The following PLCXD1 variants were observed in gnomAD, a reference collection of about 807,000 sequenced individuals.
PLCXD1 encodes the protein PI-PLC X domain-containing protein 1.
PLCXD1 carries 45 observed loss-of-function variants against 37.8 expected under a neutral mutation model. The observed-to-expected ratio is 1.19, with a 90% confidence interval of 0.94 to 1.53. The LOEUF (loss-of-function observed/expected upper bound fraction) is 1.53. Ranked by LOEUF, PLCXD1 falls within the 40% of genes most tolerant of loss-of-function variation. The pLI, the probability that PLCXD1 is intolerant of heterozygous loss-of-function variation, is 0.00. For synonymous variants in PLCXD1, 246 were observed against 206.9 expected (o/e 1.19, Z -1.62); for missense variants, 539 against 454.7 (o/e 1.19, Z -1.69).
At chrX:282,950 T>G (rs2069318466) in intron 1 of PLCXD1, among the ~76,000 whole-genome samples, 1 of 103,720 alleles carries the variant, frequency 9.6e-6, no homozygotes, top group Admixed American at 9.6e-5. Context: ...ATATATTATA[T>G]ATATATTATA....
intron 2 of PLCXD1, among the ~76,000 whole-genome samples, chrX:287,968 C>G (rs1287532169): frequency 6.6e-6 from 1 of 152,054 alleles, no homozygotes; most frequent in Non-Finnish European, 1.5e-5. Flanking sequence ...ATGGGCAGGA[C>G]CACACGTCCT....
At chrX:290,872 CAGCGGGAGGCGGCCGGGCACT>C in intron 4 of PLCXD1, 96 bp downstream of exon 4, 18 of 466,368 alleles carry the variant, frequency 3.9e-5, no homozygotes, top group African/African-American at 3.4e-5. Context: ...GCAAGGGGGA[CAGCGGGAGGCGGCCGGGCACT>C]GGTGCAGGTG....
chrX:295,267 G>A (rs1341532528), intron 6 of PLCXD1, among the ~76,000 whole-genome samples: 1 of 152,082 alleles, frequency 6.6e-6, no homozygotes, highest in African/African-American at 2.4e-5. Flanking sequence ...AGCGTCGGCA[G>A]CCACGGCCCC....
chrX:279,598 C>T (rs150492258), upstream of PLCXD1, among the ~76,000 whole-genome samples: 443 of 152,070 alleles, frequency 2.9e-3, 5 homozygotes, highest in African/African-American at 9.9e-3. Context: ...ATGGTGAGAC[C>T]CCCGTTGCTA....
chrX:293,358 C>T lies in PLCXD1; in HGVS notation c.733+140C>T, dbSNP rs1602892549. On this transcript the variant is annotated intron_variant, in intron 6 of 6. Transcript: ENST00000381657. The stretch of plus-strand genomic sequence containing the variant: ...ATCCATGAGCTGGGCGTGGTAATCC[C>T]TGTACCTGTAATCCCAGCACTTCGG... 4.4e-6 allele frequency: 3 copies of T among 675,774 alleles called. No homozygotes were observed. The African/African-American group carries it at 5.4e-5, about 12-fold the overall frequency. The allele number at this position is 675,774 out of a possible 1,614,324, so 41.9% of individuals were successfully genotyped here.
In PLCXD1 at chrX:302,095, G is replaced by A. The variant is rs187089714; in HGVS notation, c.*2760G>A. 2 of 152,462 alleles carry A rather than the reference G, an allele frequency of 1.3e-5. No individual in the cohort carries two copies. The highest frequency in any genetic ancestry group is 6.5e-5 in the Admixed American group (1 of 15,300). The allele number at this position is 152,462 out of a possible 1,614,324, so 9.4% of individuals were successfully genotyped here. A position where few individuals can be genotyped will look rare whatever the true frequency, so the allele number is the denominator to read the frequency against. On this transcript the variant is annotated 3_prime_UTR_variant, in exon 7 of 7. Coordinates refer to ENST00000381657, the MANE Select transcript of PLCXD1 (RefSeq NM_018390.4). ...AAGCCCCTTGAAGGCTGTGGCCTGG[G>A]CTGTTCCCTCATTCATTCCTGCCTC... is the stretch of plus-strand genomic sequence containing the variant.
At chrX:283,649 T>G (rs2069351080) in intron 1 of PLCXD1, 1 of 85,948 alleles carries the variant, frequency 1.2e-5, no homozygotes, top group Non-Finnish European at 2.5e-5. Flanking sequence ...GGGGCGGCCT[T>G]GGTGTCAGGC....
chrX:293,857 C>CG (rs908892528), intron 6 of PLCXD1, among the ~76,000 whole-genome samples: 2 of 152,108 alleles, frequency 1.3e-5, no homozygotes, highest in African/African-American at 4.8e-5. Context: ...TTGTGGTTGC[C>CG]GGGGGCTGCG....
intron 6 of PLCXD1, among the ~76,000 whole-genome samples, chrX:295,425 G>C (rs1189956745): frequency 2.0e-5 from 3 of 152,062 alleles, no homozygotes; most frequent in Non-Finnish European, 2.9e-5. Flanking sequence ...CTTCCCACAG[G>C]GGCAGCATGA....
In PLCXD1 at chrX:282,170, C is replaced by T. The variant is rs181798813; in HGVS notation, c.-22+486C>T. 3.4e-4 allele frequency among the ~76,000 whole-genome samples: 51 copies of T among 152,146 alleles called. No individual in the cohort carries two copies. In the East Asian group the frequency reaches 9.7e-3, roughly 29 times the overall value. On this transcript the variant is annotated intron_variant, in intron 1 of 6. Coordinates refer to ENST00000381657, the MANE Select transcript of PLCXD1 (RefSeq NM_018390.4). ...ACAATTCTAATTGATTTGATTAAAT[C>T]AATTAGATCTAATGATTTTAATCTA...
rs773882404 is a variant in PLCXD1 at position 290,499 on chromosome X, G to A, written c.265-149G>A. The A allele has an allele frequency of 7.5e-5, 55 of 731,376 alleles. 1 individual carries two copies. Among genetic ancestry groups the A allele is most frequent in the African/African-American group, 5.9e-4 (33 of 56,072 alleles). 45.3% of individuals were successfully genotyped at this position (731,376 alleles called of 1,614,324 possible). On this transcript the variant is annotated intron_variant, in intron 3 of 6. Coordinates refer to ENST00000381657, the MANE Select transcript of PLCXD1 (RefSeq NM_018390.4). Reference sequence around the variant, plus strand: ...AAATGCAGGTCCCCGTGGCTGCAGCGCTCCCAGCACATACAAACAGCTGTT... The same window carrying A: ...AAATGCAGGTCCCCGTGGCTGCAGCACTCCCAGCACATACAAACAGCTGTT...
intron 2 of PLCXD1, among the ~76,000 whole-genome samples, chrX:287,126 G>A (rs1386690676): frequency 2.0e-5 from 3 of 151,666 alleles, no homozygotes; most frequent in Non-Finnish European, 4.4e-5. Flanking sequence ...GAGTTTGAGA[G>A]CAGCCTGGGC....
intron 3 of PLCXD1, among the ~76,000 whole-genome samples, chrX:290,065 C>T (rs2069578743): frequency 6.6e-6 from 1 of 152,034 alleles, no homozygotes; most frequent in Non-Finnish European, 1.5e-5. Flanking sequence ...TCAAAGGATC[C>T]TCCTTCCTCA....
intron 5 of PLCXD1, 88 bp from the exon 6 acceptor site, chrX:292,947 C>T (rs1036658557): frequency 2.5e-5 from 22 of 865,084 alleles, no homozygotes; most frequent in African/African-American, 8.4e-5. Flanking sequence ...CGTGTTGGGC[C>T]GGTGTCCCGA....
Position 302,358 on chromosome X carries a change from G to C in PLCXD1, c.*3023G>C, listed in dbSNP as rs371333995. ...AGGTTTCTTTCTGCCTCTGAAGCGTGAACGGTCCTAGTTTCAGACGCAGAT... is the reference window on the plus strand; with the variant it reads ...AGGTTTCTTTCTGCCTCTGAAGCGTCAACGGTCCTAGTTTCAGACGCAGAT... On this transcript the variant is annotated 3_prime_UTR_variant, in exon 7 of 7. Transcript: ENST00000381657. 4 of 152,074 alleles carry C rather than the reference G, an allele frequency of 2.6e-5. No individual in the cohort carries two copies. The highest frequency in any genetic ancestry group is 1.9e-4 in the East Asian group (1 of 5,170). 9.4% of individuals were successfully genotyped at this position (152,074 alleles called of 1,614,324 possible).
chrX:284,524 A>G (rs1169337695), intron 2 of PLCXD1, among the ~76,000 whole-genome samples: 2 of 152,238 alleles, frequency 1.3e-5, no homozygotes, highest in East Asian at 3.8e-4. Context: ...AGTCATGGAC[A>G]TGCACAGACA....
At chrX:278,283 TGGGA>T (rs924554710), upstream of PLCXD1, among the ~76,000 whole-genome samples, 1 of 151,280 alleles carries the variant, frequency 6.6e-6, no homozygotes, top group Non-Finnish European at 1.5e-5. Flanking sequence ...GGGACTGTGA[TGGGA>T]GGGAGGGAGT....
intron 2 of PLCXD1, among the ~76,000 whole-genome samples, chrX:287,118 G>A (rs1158137774): frequency 2.0e-5 from 3 of 151,808 alleles, no homozygotes; most frequent in Non-Finnish European, 4.4e-5. Flanking sequence ...GAGTTTAGGA[G>A]TTTGAGAGCA....
chrX:295,634 C>T lies in PLCXD1; in HGVS notation c.733+2416C>T, dbSNP rs1251572501. On this transcript the variant is annotated intron_variant, in intron 6 of 6. Transcript: ENST00000381657. The stretch of plus-strand genomic sequence containing the variant: ...CCGTCTCCCGGGTTCAAGCCATTCT[C>T]CTGCCTCAGCCTCCTGAGTAGCTGG... Among the ~76,000 whole-genome samples the T allele has an allele frequency of 4.0e-5, 6 of 151,614 alleles. No individual in the cohort carries two copies. The East Asian group carries it at 5.8e-4, about 15-fold the overall frequency.
Sources: gnomAD v4.1 joint callset for allele counts (sites outside exome capture counted in the v4.1 genomes callset) on GRCh38, gnomAD v4.1.1 for gene constraint, MANE v1.5 for transcripts, NCBI Gene and HGNC (gene_info 2026-07-23, HGNC 2026-07-21) for gene names.